Variants in TMEM229A observed in about 807,000 individuals in gnomAD.
TMEM229A encodes the protein transmembrane protein 229A.
In TMEM229A, 23 loss-of-function variants were observed where a neutral mutation model predicts 30.0. That is an observed-to-expected ratio of 0.77 (90% CI 0.55 to 1.09). TMEM229A has a LOEUF of 1.09. Ranked by LOEUF, TMEM229A falls within the 50% of genes least tolerant of loss-of-function variation. The pLI, the probability that TMEM229A is intolerant of heterozygous loss-of-function variation, is 0.00. For synonymous variants in TMEM229A, 264 were observed against 241.5 expected (o/e 1.09, Z -0.86); for missense variants, 534 against 525.9 (o/e 1.02, Z -0.15).
Position 124,032,485 on chromosome 7 carries a change from G to A in TMEM229A, c.519C>T (p.Phe173=). Residue 173 remains phenylalanine (F), a synonymous_variant, in exon 1 of 1, where the codon TTC becomes TTT. Coordinates refer to ENST00000455783, the MANE Select transcript of TMEM229A (RefSeq NM_001136002.2). The surrounding 1 kb of genome is among the most constrained non-coding windows in gnomAD (Gnocchi z 6.6). ...ACCGCAAGCGCAGGAAGCGCTTCAG[G>A]AACACTTGGCAGTGGTAGAGCGCCA... The part of the protein sequence containing the change: ...YVLALYHCQV[F]LKRFLRLRYG... The A allele has an allele frequency of 6.5e-7, 1 of 1,550,062 alleles. No homozygotes were observed. The highest frequency in any genetic ancestry group is 8.7e-7 in the Non-Finnish European group (1 of 1,146,648).
chr7:124,032,685 C>T lies in TMEM229A; in HGVS notation c.319G>A (p.Val107Met), dbSNP rs1793153737. 6.4e-7 allele frequency: 1 copy of T among 1,551,500 alleles called. No individual in the cohort carries two copies. Among genetic ancestry groups the T allele is most frequent in the Non-Finnish European group, 8.7e-7 (1 of 1,146,878 alleles). The part of the protein sequence containing the change: ...HSLTHFALEK[V>M]YLQQRRCPNA... ...GGACAGCGCCGCTGCTGCAGGTACA[C>T]CTTCTCCAGGGCGAAATGGGTGAGC... The change falls in exon 1 of 1, where the codon GTG becomes ATG. Residue 107 changes from valine (V) to methionine (M), a missense_variant. By Grantham distance (21) the Val-to-Met change is conservative. Transcript: ENST00000455783. This position sits in a 1 kb window ranked among gnomAD's most constrained non-coding sequence, Gnocchi z 6.6.
Position 124,032,597 on chromosome 7 carries a change from G to C in TMEM229A, c.407C>G (p.Ala136Gly). The C allele has an allele frequency of 1.9e-6, 3 of 1,550,702 alleles. No individual in the cohort carries two copies. Among genetic ancestry groups the C allele is most frequent in the Non-Finnish European group, 2.6e-6 (3 of 1,146,498 alleles). The change falls in exon 1 of 1, where the codon GCG becomes GGG. Residue 136 changes from alanine (A) to glycine (G), a missense_variant. Physicochemically the swap from Ala to Gly is moderately conservative, Grantham distance 60 (BLOSUM62 0). Coordinates refer to ENST00000455783, the MANE Select transcript of TMEM229A (RefSeq NM_001136002.2). The surrounding 1 kb of genome is among the most constrained non-coding windows in gnomAD (Gnocchi z 6.6). ...CAGGCTGAGTAGTAGCGCCTGGCCC[G>C]CTAGGGTCTGCAGCCCCACGTGGGC... ...PSAHVGLQTL[A>G]GQALLLSLGG... is the part of the protein sequence containing the mutation.
rs985005011 is a variant in TMEM229A, at chr7:124,033,018, T to C, written c.-15A>G. 377 of 1,246,546 alleles carry C rather than the reference T, an allele frequency of 3.0e-4. No individual in the cohort carries two copies. The highest frequency in any genetic ancestry group is 4.8e-4 in the Admixed American group (11 of 22,916). 77.2% of individuals were successfully genotyped at this position (1,246,546 alleles called of 1,614,324 possible). On this transcript the variant is annotated 5_prime_UTR_variant, in exon 1 of 1. Coordinates refer to ENST00000455783, the MANE Select transcript of TMEM229A (RefSeq NM_001136002.2). ...CTCCCCGCCATGGGCTCGGAGGCTG[T>C]CCGAACGCCCGAGGCTGCACCGCCG...
Position 124,033,067 on chromosome 7 carries a change from C to G in TMEM229A, c.-64G>C. The G allele has an allele frequency of 8.8e-7, 1 of 1,134,974 alleles. No individual in the cohort carries two copies. Among genetic ancestry groups the G allele is most frequent in the East Asian group, 4.4e-5 (1 of 22,570 alleles). 70.3% of individuals were successfully genotyped at this position (1,134,974 alleles called of 1,614,324 possible). On this transcript the variant is annotated 5_prime_UTR_variant, in exon 1 of 1. Coordinates refer to ENST00000455783, the MANE Select transcript of TMEM229A (RefSeq NM_001136002.2). ...CGCCGCTGCCGGGTGCGCGGAGCTGCAGGGCCGAGCGGCCGAGCCCCGCGC... is the reference window on the plus strand; with the variant it reads ...CGCCGCTGCCGGGTGCGCGGAGCTGGAGGGCCGAGCGGCCGAGCCCCGCGC...
Position 124,032,416 on chromosome 7 carries a change from C to CTGCTGCTGCTGT in TMEM229A, c.587_588insACAGCAGCAGCA (p.Gln197_Gln200dup). 6.5e-7 allele frequency: 1 copy of CTGCTGCTGCTGT among 1,544,478 alleles called. No individual in the cohort carries two copies. The highest frequency in any genetic ancestry group is 1.4e-5 in the African/African-American group (1 of 72,372). On this transcript the variant is annotated inframe_insertion, in exon 1 of 1. Coordinates refer to ENST00000455783, the MANE Select transcript of TMEM229A (RefSeq NM_001136002.2). This position sits in a 1 kb window ranked among gnomAD's most constrained non-coding sequence, Gnocchi z 6.6. ...GCGCGCCCCTCCGCTGCTGCTGCTG[C>CTGCTGCTGCTGT]TGCTGCTGCTGCTGTTGCTGCTGCC...
In TMEM229A at chr7:124,032,268, A is replaced by G; in HGVS notation, c.736T>C (p.Phe246Leu). The change falls in exon 1 of 1, where the codon TTC (phenylalanine) becomes CTC (leucine). Residue 246 changes from phenylalanine (F) to leucine (L), a missense_variant. Coordinates refer to ENST00000455783, the MANE Select transcript of TMEM229A (RefSeq NM_001136002.2). The surrounding 1 kb of genome is among the most constrained non-coding windows in gnomAD (Gnocchi z 6.6). ...QGLPDLPRFL[F>L]FGMHGFLDEI... ...TCCAGAAAGCCGTGCATTCCGAAGA[A>G]AAGAAAGCGGGGTAGGTCGGGCAGC... 6.4e-7 allele frequency: 1 copy of G among 1,551,444 alleles called. No individual in the cohort carries two copies. The highest frequency in any genetic ancestry group is 8.7e-7 in the Non-Finnish European group (1 of 1,146,966).
At position 124,032,349 on chromosome 7, in the gene TMEM229A, C is replaced by T; in HGVS notation, c.655G>A (p.Ala219Thr). ...PGARVPTAAG[A>T]RRRRPRGPRG... ...GGGCCACGGGGTCGTCGCCGCCGGG[C>T]TCCGGCCGCAGTAGGGACCCGGGCG... Residue 219 changes from alanine to threonine, a missense_variant, in exon 1 of 1, where the codon GCC becomes ACC. Ala to Thr is a moderately conservative substitution (Grantham distance 58). Coordinates refer to ENST00000455783, the MANE Select transcript of TMEM229A (RefSeq NM_001136002.2). The surrounding 1 kb of genome is among the most constrained non-coding windows in gnomAD (Gnocchi z 6.6). 1 of 1,542,030 alleles carries T rather than the reference C, an allele frequency of 6.5e-7. No homozygotes were observed. Among genetic ancestry groups the T allele is most frequent in the Non-Finnish European group, 8.7e-7 (1 of 1,143,830 alleles).
Position 124,032,617 on chromosome 7 carries a change from G to A in TMEM229A, c.387C>T (p.His129=). The A allele has an allele frequency of 2.6e-6, 4 of 1,551,112 alleles. No individual in the cohort carries two copies. Among genetic ancestry groups the A allele is most frequent in the African/African-American group, 1.4e-5 (1 of 73,154 alleles). Residue 129 remains histidine, a synonymous_variant, in exon 1 of 1, where the codon CAC becomes CAT. Coordinates refer to ENST00000455783, the MANE Select transcript of TMEM229A (RefSeq NM_001136002.2). This position sits in a 1 kb window ranked among gnomAD's most constrained non-coding sequence, Gnocchi z 6.6. ...VFNFLLYPSA[H]VGLQTLAGQA... is the part of the protein sequence containing the mutation. ...GGCCCGCTAGGGTCTGCAGCCCCAC[G>A]TGGGCCGAGGGGTAGAGGAGGAAAT... is the stretch of plus-strand genomic sequence containing the variant.
In TMEM229A at chr7:124,032,230, G is replaced by A. The variant is rs1563049910; in HGVS notation, c.774C>T (p.Phe258=). The A allele has an allele frequency of 1.9e-6, 3 of 1,551,720 alleles. No individual in the cohort carries two copies. Among genetic ancestry groups the A allele is most frequent in the Non-Finnish European group, 2.6e-6 (3 of 1,147,006 alleles). The change falls in exon 1 of 1, where the codon TTC becomes TTT. Residue 258 remains phenylalanine (F), a synonymous_variant. Coordinates refer to ENST00000455783, the MANE Select transcript of TMEM229A (RefSeq NM_001136002.2). This position sits in a 1 kb window ranked among gnomAD's most constrained non-coding sequence, Gnocchi z 6.6. ...GMHGFLDEIF[F]TFFFNVLGQG... The stretch of plus-strand genomic sequence containing the variant: ...GCCCCAGTACGTTGAAGAAGAAGGT[G>A]AAGAAGATCTCATCCAGAAAGCCGT...
In TMEM229A at chr7:124,031,488, C is replaced by G. The variant is rs1466023468; in HGVS notation, c.*373G>C. 2 of 130,802 alleles carry G rather than the reference C, an allele frequency of 1.5e-5. No homozygotes were observed. Among genetic ancestry groups the G allele is most frequent in the South Asian group, 2.6e-4 (1 of 3,872 alleles). 8.1% of individuals were successfully genotyped at this position (130,802 alleles called of 1,614,324 possible). ...CTGGTCTCTGATTTAAAGATCCCCC[C>G]CCGCCAAAAAAAAAAAAATTAGTAG... On this transcript the variant is annotated 3_prime_UTR_variant, in exon 1 of 1. Coordinates refer to ENST00000455783, the MANE Select transcript of TMEM229A (RefSeq NM_001136002.2). The surrounding 1 kb of genome is among the most constrained non-coding windows in gnomAD (Gnocchi z 4.1).
chr7:124,031,482 T>TC lies in TMEM229A; in HGVS notation c.*378dup, dbSNP rs1045210950. 781 of 125,884 alleles carry TC rather than the reference T, an allele frequency of 6.2e-3. 6 individuals are homozygous for TC. Among genetic ancestry groups the TC allele is most frequent in the Non-Finnish European group, 7.8e-3 (486 of 61,998 alleles). The allele number at this position is 125,884 out of a possible 1,614,324, so 7.8% of individuals were successfully genotyped here. On this transcript the variant is annotated 3_prime_UTR_variant, in exon 1 of 1. Coordinates refer to ENST00000455783, the MANE Select transcript of TMEM229A (RefSeq NM_001136002.2). The surrounding 1 kb of genome is among the most constrained non-coding windows in gnomAD (Gnocchi z 4.1). ...AAATCACTGGTCTCTGATTTAAAGA[T>TC]CCCCCCCCGCCAAAAAAAAAAAAAT...
chr7:124,032,545 C>T lies in TMEM229A; in HGVS notation c.459G>A (p.Ala153=), dbSNP rs997915505. 3.9e-6 allele frequency: 6 copies of T among 1,549,140 alleles called. No homozygotes were observed. Among genetic ancestry groups the T allele is most frequent in the Non-Finnish European group, 5.2e-6 (6 of 1,145,936 alleles). ...GCAGCGCCAGGTCCAGCGCCCCTGG[C>T]GCCACCGCGACCCCCGCCCCGCCGC... ...SLGGGAGVAV[A]PGALDLALQY... Residue 153 remains alanine (A), a synonymous_variant, in exon 1 of 1, where the codon GCG becomes GCA. Coordinates refer to ENST00000455783, the MANE Select transcript of TMEM229A (RefSeq NM_001136002.2). The surrounding 1 kb of genome is among the most constrained non-coding windows in gnomAD (Gnocchi z 6.6).
rs1311139879 is a variant in TMEM229A at position 124,032,192 on chromosome 7, G to A, written c.812C>T (p.Thr271Ile). The A allele has an allele frequency of 6.4e-7, 1 of 1,551,834 alleles. No individual in the cohort carries two copies. Among genetic ancestry groups the A allele is most frequent in the Admixed American group, 2.0e-5 (1 of 51,002 alleles). Residue 271 changes from threonine (T) to isoleucine (I), a missense_variant, in exon 1 of 1, where the codon ACA (threonine) becomes ATA (isoleucine). Physicochemically the swap from Thr to Ile is moderately conservative, Grantham distance 89. Transcript: ENST00000455783. The surrounding 1 kb of genome is among the most constrained non-coding windows in gnomAD (Gnocchi z 6.6). ...CCAGAGCGACGTGTGGCCGCTGGTT[G>A]TCCCGTCCCCCTGCCCCAGTACGTT... ...FFNVLGQGDGTTSGHTSLWSF... is the reference protein window; with the variant it reads ...FFNVLGQGDGITSGHTSLWSF...
Position 124,032,695 on chromosome 7 carries a change from G to C in TMEM229A, c.309C>G (p.Ala103=), listed in dbSNP as rs919543347. The change falls in exon 1 of 1, where the codon GCC becomes GCG. Residue 103 remains alanine, a synonymous_variant. Transcript: ENST00000455783. This position sits in a 1 kb window ranked among gnomAD's most constrained non-coding sequence, Gnocchi z 6.6. The part of the protein sequence containing the change: ...RCLLHSLTHF[A]LEKVYLQQRR... ...GCTGCTGCAGGTACACCTTCTCCAG[G>C]GCGAAATGGGTGAGCGAGTGCAGCA... is the stretch of plus-strand genomic sequence containing the variant. The C allele has an allele frequency of 1.4e-5, 22 of 1,551,358 alleles. No individual in the cohort carries two copies. The highest frequency in any genetic ancestry group is 1.4e-4 in the African/African-American group (10 of 73,042).
In TMEM229A at chr7:124,033,039, C is replaced by T. The variant is rs1793160325; in HGVS notation, c.-36G>A. The T allele has an allele frequency of 2.5e-6, 3 of 1,201,556 alleles. No homozygotes were observed. The highest frequency in any genetic ancestry group is 3.1e-6 in the Non-Finnish European group (3 of 969,808). The allele number at this position is 1,201,556 out of a possible 1,614,324, so 74.4% of individuals were successfully genotyped here. Reference sequence around the variant, plus strand: ...GCTGTCCGAACGCCCGAGGCTGCACCGCCGCCGCTGCCGGGTGCGCGGAGC... The same window carrying T: ...GCTGTCCGAACGCCCGAGGCTGCACTGCCGCCGCTGCCGGGTGCGCGGAGC... On this transcript the variant is annotated 5_prime_UTR_variant, in exon 1 of 1. Coordinates refer to ENST00000455783, the MANE Select transcript of TMEM229A (RefSeq NM_001136002.2).
Position 124,031,694 on chromosome 7 carries a change from C to G in TMEM229A, c.*167G>C. On this transcript the variant is annotated 3_prime_UTR_variant, in exon 1 of 1. Coordinates refer to ENST00000455783, the MANE Select transcript of TMEM229A (RefSeq NM_001136002.2). This position sits in a 1 kb window ranked among gnomAD's most constrained non-coding sequence, Gnocchi z 4.1. ...TTCAAAGTATATTATACACGGGTTT[C>G]AAATAGAAAAACTAAAAGGTGGAAT... The G allele has an allele frequency of 1.5e-6, 1 of 688,096 alleles. No individual in the cohort carries two copies. Among genetic ancestry groups the G allele is most frequent in the Non-Finnish European group, 2.3e-6 (1 of 434,396 alleles). 42.6% of individuals were successfully genotyped at this position (688,096 alleles called of 1,614,324 possible). A position where few individuals can be genotyped will look rare whatever the true frequency, so the allele number is the denominator to read the frequency against.
rs1793151975 is a variant in TMEM229A at position 124,032,597 on chromosome 7, G to A, written c.407C>T (p.Ala136Val). ...CAGGCTGAGTAGTAGCGCCTGGCCCGCTAGGGTCTGCAGCCCCACGTGGGC... is the reference window on the plus strand; with the variant it reads ...CAGGCTGAGTAGTAGCGCCTGGCCCACTAGGGTCTGCAGCCCCACGTGGGC... ...PSAHVGLQTL[A>V]GQALLLSLGG... The change falls in exon 1 of 1, where the codon GCG becomes GTG. Residue 136 changes from alanine (A) to valine (V), a missense_variant. Ala to Val is a moderately conservative substitution (Grantham distance 64). Transcript: ENST00000455783. The surrounding 1 kb of genome is among the most constrained non-coding windows in gnomAD (Gnocchi z 6.6). The A allele has an allele frequency of 1.3e-6, 2 of 1,550,586 alleles. No homozygotes were observed. The highest frequency in any genetic ancestry group is 1.4e-5 in the African/African-American group (1 of 73,026).
rs755796134 is a variant in TMEM229A, at chr7:124,031,850, C to CT, written c.*10dup. On this transcript the variant is annotated 3_prime_UTR_variant, in exon 1 of 1. Coordinates refer to ENST00000455783, the MANE Select transcript of TMEM229A (RefSeq NM_001136002.2). The surrounding 1 kb of genome is among the most constrained non-coding windows in gnomAD (Gnocchi z 4.1). ...AGTGACTTTTTCCTTTTCTTTCTTT[C>CT]TTTTTTGGTTTTAGTTAGCTGGTAC... is the stretch of plus-strand genomic sequence containing the variant. 9.6e-5 allele frequency: 142 copies of CT among 1,474,154 alleles called. No individual in the cohort carries two copies. The highest frequency in any genetic ancestry group is 1.8e-5 in the Non-Finnish European group (20 of 1,108,018). 91.3% of individuals were successfully genotyped at this position (1,474,154 alleles called of 1,614,324 possible).
Position 124,032,731 on chromosome 7 carries a change from G to A in TMEM229A, c.273C>T (p.Pro91=). ...PDLRMLGFSS[P]YRCLLHSLTH... Reference sequence around the variant, plus strand: ...TGAGCGAGTGCAGCAGGCAGCGGTAGGGCGAGGAGAAGCCTAGCATCCGCA... The same window carrying A: ...TGAGCGAGTGCAGCAGGCAGCGGTAAGGCGAGGAGAAGCCTAGCATCCGCA... Residue 91 remains proline, a synonymous_variant, in exon 1 of 1, where the codon CCC becomes CCT. Coordinates refer to ENST00000455783, the MANE Select transcript of TMEM229A (RefSeq NM_001136002.2). This position sits in a 1 kb window ranked among gnomAD's most constrained non-coding sequence, Gnocchi z 6.6. The A allele has an allele frequency of 1.9e-6, 3 of 1,551,470 alleles. No individual in the cohort carries two copies. Among genetic ancestry groups the A allele is most frequent in the Non-Finnish European group, 2.6e-6 (3 of 1,146,896 alleles).
Sources: gnomAD v4.1 joint callset for allele counts on GRCh38, gnomAD v4.1.1 for gene constraint, Gnocchi (gnomAD v3.1) non-coding constraint, MANE v1.5 for transcripts, NCBI Gene and HGNC (gene_info 2026-07-23, HGNC 2026-07-21) for gene names.